Variants in MYO3B observed in about 807,000 individuals in gnomAD.
MYO3B encodes myosin IIIB, also known as myosin-IIIb.
A neutral mutation model predicts 174.6 loss-of-function variants in MYO3B; 156 were observed. The ratio of observed to expected loss-of-function variants is 0.89; its 90% CI spans 0.78 to 1.02. The LOEUF (loss-of-function observed/expected upper bound fraction) is 1.02, where lower values mean the gene tolerates loss of function less well. Among genes scored for constraint, MYO3B ranks in the 50% least tolerant of loss-of-function variants. The pLI is 0.00. For missense variants in MYO3B, 1,632 were observed against 1,639.4 expected (o/e 1.00, Z 0.08); for synonymous variants, 563 against 569.1 (o/e 0.99, Z 0.15).
chr2:170,627,555 A>C (rs992992711), intron 32 of MYO3B, among the ~76,000 whole-genome samples: 1 of 152,198 alleles, frequency 6.6e-6, no homozygotes, highest in African/African-American at 2.4e-5. Flanking sequence ...TCAATTCGTC[A>C]AAGTCATTCT....
intron 32 of MYO3B, among the ~76,000 whole-genome samples, chr2:170,570,031 T>C (rs576655681): frequency 6.6e-6 from 1 of 152,152 alleles, no homozygotes; most frequent in Non-Finnish European, 1.5e-5. Flanking sequence ...CATGAGCATA[T>C]TTCACCTACC....
chr2:170,465,492 T>C (rs1434975939), intron 24 of MYO3B, among the ~76,000 whole-genome samples: 1 of 152,158 alleles, frequency 6.6e-6, no homozygotes, highest in Non-Finnish European at 1.5e-5. Flanking sequence ...ATTTCCAACA[T>C]TAGAGGTCAC....
At chr2:170,250,394 T>C (rs2093238775) in intron 7 of MYO3B, among the ~76,000 whole-genome samples, 1 of 152,204 alleles carries the variant, frequency 6.6e-6, no homozygotes, top group Non-Finnish European at 1.5e-5. Context: ...ACCAGTAGCT[T>C]TGGGCCCCAG....
chr2:170,596,255 C>T (rs4667647), intron 32 of MYO3B, among the ~76,000 whole-genome samples: 11,633 of 152,186 alleles, frequency 0.076, 1,121 homozygotes, highest in African/African-American at 0.22. Context: ...TGTAATACAA[C>T]AAATAATTCA....
At chr2:170,623,349 T>C (rs1696100457) in intron 32 of MYO3B, among the ~76,000 whole-genome samples, 1 of 152,184 alleles carries the variant, frequency 6.6e-6, no homozygotes, top group Non-Finnish European at 1.5e-5. Context: ...TTTCATATGT[T>C]TGTTGGCTGC....
chr2:170,573,227 G>GTGTA lies in MYO3B; in HGVS notation c.3733+29240_3733+29241insGTAT, dbSNP rs1446970724. 8.2e-3 allele frequency among the ~76,000 whole-genome samples: 383 copies of GTGTA among 46,464 alleles called. 5 individuals carry two copies. The highest frequency in any genetic ancestry group is 0.058 in the Admixed American group (273 of 4,674). The allele number at this position is 46,464 out of a possible 152,430, so 30.5% of individuals were successfully genotyped here. On this transcript the variant is annotated intron_variant, in intron 32 of 34. Coordinates refer to ENST00000408978, the MANE Select transcript of MYO3B (RefSeq NM_138995.5). ...TAATAAACATATATGTATACTGTGT[G>GTGTA]TATATATATATATATATATATATGT... is the stretch of plus-strand genomic sequence containing the variant.
In MYO3B at chr2:170,255,099, G is replaced by A. The variant is rs546966308; in HGVS notation, c.749+18963G>A. On this transcript the variant is annotated intron_variant, in intron 7 of 34. Transcript: ENST00000408978. Reference sequence around the variant, plus strand: ...GGGGATCCTACGCCCTTGACTCATTGCATCACCAGAACGCCTGCACACATA... The same window carrying A: ...GGGGATCCTACGCCCTTGACTCATTACATCACCAGAACGCCTGCACACATA... Among the ~76,000 whole-genome samples, 3 of 152,280 alleles carry A rather than the reference G, an allele frequency of 2.0e-5. No homozygotes were observed. The South Asian group carries it at 6.2e-4, about 32-fold the overall frequency.
At chr2:170,464,888 A>G (rs1684520794) in intron 24 of MYO3B, among the ~76,000 whole-genome samples, 1 of 151,728 alleles carries the variant, frequency 6.6e-6, no homozygotes, top group Non-Finnish European at 1.5e-5. Flanking sequence ...TTCTTTTAAG[A>G]CAGAGTCTGG....
At chr2:170,545,404 TAGTA>T (rs1321216351) in intron 32 of MYO3B, among the ~76,000 whole-genome samples, 3 of 152,332 alleles carry the variant, frequency 2.0e-5, no homozygotes, top group East Asian at 1.9e-4. Flanking sequence ...GTCTGGCTCA[TAGTA>T]AGTGTTTAGT....
In MYO3B at chr2:170,653,525, TG is replaced by T; in HGVS notation, c.*406del. On this transcript the variant is annotated 3_prime_UTR_variant, in exon 35 of 35. Transcript: ENST00000408978. Reference sequence around the variant, plus strand: ...TCAATCCATTCAGAATCTGCCCCAGTGGAGACCCAGGAGTTCCTTTCCTGCA... The same window carrying T: ...TCAATCCATTCAGAATCTGCCCCAGTGAGACCCAGGAGTTCCTTTCCTGCA... 5.9e-6 allele frequency: 1 copy of T among 168,108 alleles called. No individual in the cohort carries two copies. Among genetic ancestry groups the T allele is most frequent in the Non-Finnish European group, 1.3e-5 (1 of 77,132 alleles). The allele number at this position is 168,108 out of a possible 1,614,324, so 10.4% of individuals were successfully genotyped here.
chr2:170,595,662 C>A (rs748179257), intron 32 of MYO3B, among the ~76,000 whole-genome samples: 1 of 152,074 alleles, frequency 6.6e-6, no homozygotes, highest in South Asian at 2.1e-4. Context: ...TAGTCTTGAA[C>A]CCTGGGCTCA....
intron 1 of MYO3B, among the ~76,000 whole-genome samples, chr2:170,182,294 A>G (rs979681883): frequency 1.3e-4 from 20 of 152,148 alleles, no homozygotes; most frequent in African/African-American, 4.6e-4. Flanking sequence ...ATTTTGGAGA[A>G]AGGAATGAGG....
chr2:170,293,345 T>C (rs747282417), intron 7 of MYO3B, among the ~76,000 whole-genome samples: 9 of 152,212 alleles, frequency 5.9e-5, no homozygotes, highest in Non-Finnish European at 1.2e-4. Context: ...ATATAAGTGA[T>C]ATTTTTGCTT....
chr2:170,437,453 C>T (rs1211633022), intron 22 of MYO3B, among the ~76,000 whole-genome samples: 1 of 152,116 alleles, frequency 6.6e-6, no homozygotes, highest in Non-Finnish European at 1.5e-5. Context: ...GTAAGACTCT[C>T]ATGTAGGAGC....
intron 32 of MYO3B, among the ~76,000 whole-genome samples, chr2:170,571,398 T>C (rs2106278629): frequency 6.6e-6 from 1 of 152,168 alleles, no homozygotes; most frequent in East Asian, 1.9e-4. Flanking sequence ...GCAAAGCTAG[T>C]AGTTTGTTTT....
intron 7 of MYO3B, among the ~76,000 whole-genome samples, chr2:170,262,696 C>T (rs936491526): frequency 3.3e-5 from 5 of 152,176 alleles, no homozygotes; most frequent in Non-Finnish European, 7.3e-5. Flanking sequence ...GTGGAAGCCA[C>T]CCTCTAAATC....
chr2:170,441,241 A>G (rs1240501160), intron 22 of MYO3B, among the ~76,000 whole-genome samples: 1 of 152,180 alleles, frequency 6.6e-6, no homozygotes, highest in African/African-American at 2.4e-5. Flanking sequence ...TTCCTTTCTG[A>G]TGTGGATGCC....
chr2:170,386,172 T>TC lies in MYO3B; in HGVS notation c.1291-15dup, dbSNP rs1176374780. ...GTGCTATAAATTCTTCACTTGACGCTCCATTTTCTGTGCCAGTGCATTGTC... is the reference window on the plus strand; with the variant it reads ...GTGCTATAAATTCTTCACTTGACGCTCCCATTTTCTGTGCCAGTGCATTGTC... On this transcript the variant is annotated splice_polypyrimidine_tract_variant and intron_variant, in intron 12 of 34. Coordinates refer to ENST00000408978, the MANE Select transcript of MYO3B (RefSeq NM_138995.5). 2.5e-6 allele frequency: 4 copies of TC among 1,611,514 alleles called. No individual in the cohort carries two copies. The highest frequency in any genetic ancestry group is 3.4e-6 in the Non-Finnish European group (4 of 1,178,072).
intron 32 of MYO3B, among the ~76,000 whole-genome samples, chr2:170,623,039 G>A (rs1453231146): frequency 2.0e-5 from 3 of 152,150 alleles, no homozygotes; most frequent in Non-Finnish European, 4.4e-5. Flanking sequence ...ACATACGTGT[G>A]CATGTGTCTT....
Sources: allele counts gnomAD v4.1 joint callset (sites outside exome capture counted in the v4.1 genomes callset), GRCh38; gene constraint gnomAD v4.1.1; transcripts MANE v1.5; gene names NCBI Gene and HGNC (gene_info 2026-07-23, HGNC 2026-07-21).